WDPCP: variants seen among roughly 807,000 people sequenced by gnomAD.
The protein encoded by WDPCP is WD repeat-containing and planar cell polarity effector protein fritz homolog.
Under a neutral mutation model 93.1 loss-of-function variants are expected in WDPCP, and 71 were observed. The ratio of observed to expected loss-of-function variants is 0.76; its 90% CI spans 0.63 to 0.93. WDPCP has a LOEUF of 0.93. Ranked by LOEUF, WDPCP falls within the 40% of genes least tolerant of loss-of-function variation. The pLI is 0.00. For missense variants in WDPCP, 844 were observed against 887.4 expected, an observed-to-expected ratio of 0.95 and a Z score of 0.62; for synonymous variants, 315 against 315.0, an observed-to-expected ratio of 1.00 and a Z score of 0.00.
chr2:63,305,487 CAA>C (rs1315418673), intron 13 of WDPCP, among the ~76,000 whole-genome samples: 1 of 152,160 alleles, frequency 6.6e-6, no homozygotes, highest in African/African-American at 2.4e-5. Context: ...GGAAAACTAA[CAA>C]ACAGAAAGAA....
chr2:63,337,108 G>A (rs909438094), intron 12 of WDPCP, among the ~76,000 whole-genome samples: 9 of 152,030 alleles, frequency 5.9e-5, no homozygotes, highest in African/African-American at 1.9e-4. Context: ...TGGCCAGGAT[G>A]GGCTCAATCT....
intron 7 of WDPCP, 93 bp downstream of exon 7, chr2:63,439,663 TC>T: frequency 9.3e-7 from 1 of 1,073,248 alleles, no homozygotes; most frequent in Non-Finnish European, 1.4e-6. Flanking sequence ...TGTTTGCAAG[TC>T]CCCAGTGGTA....
intron 2 of WDPCP, among the ~76,000 whole-genome samples, chr2:63,782,269 C>G (rs1670406319): frequency 6.6e-6 from 1 of 152,126 alleles, no homozygotes. Flanking sequence ...GAATTCATGA[C>G]TAAGACTTCA....
intron 13 of WDPCP, among the ~76,000 whole-genome samples, chr2:63,290,527 T>C (rs1384604218): frequency 1.3e-5 from 2 of 152,152 alleles, no homozygotes; most frequent in Non-Finnish European, 2.9e-5. Flanking sequence ...CATTCTTTCA[T>C]GTAGAGACGA....
chr2:63,427,237 C>T (rs140712079), intron 9 of WDPCP, among the ~76,000 whole-genome samples: 1 of 152,198 alleles, frequency 6.6e-6, no homozygotes, highest in East Asian at 1.9e-4. Context: ...CCAATTGGAC[C>T]TGATAGACAT....
chr2:63,437,859 CACCTGA>C, intron 7 of WDPCP: 1 of 1,598,122 alleles, frequency 6.3e-7, no homozygotes, highest in Non-Finnish European at 8.5e-7. Flanking sequence ...AACTATTTCG[CACCTGA>C]ATGTAGAGAC....
intron 12 of WDPCP, among the ~76,000 whole-genome samples, chr2:63,352,305 A>T (rs540458013): frequency 1.3e-5 from 2 of 152,116 alleles, no homozygotes; most frequent in African/African-American, 4.8e-5. Context: ...TTGTTTTTTT[A>T]AAAGTTGAAA....
intron 1 of WDPCP, among the ~76,000 whole-genome samples, chr2:63,579,413 C>T (rs550678757): frequency 6.6e-6 from 1 of 152,220 alleles, no homozygotes; most frequent in Admixed American, 6.5e-5. Flanking sequence ...AGTTTGAGAC[C>T]AGCCTGGCCA....
intron 1 of WDPCP, among the ~76,000 whole-genome samples, chr2:63,526,150 G>A (rs1056207979): frequency 6.6e-6 from 1 of 152,076 alleles, no homozygotes; most frequent in Non-Finnish European, 1.5e-5. Context: ...GAGAAAAAAA[G>A]CCATACCAGC....
chr2:63,837,306 C>T, the WDPCP span, among the ~76,000 whole-genome samples: 55 of 152,282 alleles, frequency 3.6e-4, no homozygotes, highest in African/African-American at 1.2e-3. Context: ...AAGTGAAATG[C>T]CCTATTGTTA....
At chr2:63,165,830 T>C (rs1391565155) in intron 15 of WDPCP, among the ~76,000 whole-genome samples, 2 of 151,968 alleles carry the variant, frequency 1.3e-5, no homozygotes, top group Non-Finnish European at 2.9e-5. Context: ...CATTTCTTAA[T>C]TTTGTATGTT....
intron 13 of WDPCP, among the ~76,000 whole-genome samples, chr2:63,308,222 G>A (rs1357829747): frequency 6.6e-6 from 1 of 152,162 alleles, no homozygotes; most frequent in Non-Finnish European, 1.5e-5. Flanking sequence ...TTAGAATGGT[G>A]ATCATTAAAA....
chr2:63,226,533 G>A (rs1342257678), intron 14 of WDPCP, among the ~76,000 whole-genome samples: 9 of 151,654 alleles, frequency 5.9e-5, no homozygotes, highest in Non-Finnish European at 1.3e-4. Context: ...ACAGAAGAAA[G>A]GTTATAAAAA....
chr2:63,343,965 G>GAGGAAAGGA (rs1449639254), intron 12 of WDPCP, among the ~76,000 whole-genome samples: 1 of 152,088 alleles, frequency 6.6e-6, no homozygotes, highest in East Asian at 1.9e-4. Flanking sequence ...TTAGCTTTCT[G>GAGGAAAGGA]AGTTTAAAGG....
At position 63,564,005 on chromosome 2, in the gene WDPCP, G is replaced by T. The variant is rs191937609; in HGVS notation, c.75+24192C>A. Reference sequence around the variant, plus strand: ...ACACTTTAAAAGGGTGAGTTTTAGGGTATATGAATTATATCACAATAAAAA... The same window carrying T: ...ACACTTTAAAAGGGTGAGTTTTAGGTTATATGAATTATATCACAATAAAAA... On this transcript the variant is annotated intron_variant, in intron 1 of 17. Coordinates refer to ENST00000272321, the MANE Select transcript of WDPCP (RefSeq NM_015910.7). 5.3e-5 allele frequency among the ~76,000 whole-genome samples: 8 copies of T among 152,268 alleles called. No homozygotes were observed. In the East Asian group the frequency reaches 1.4e-3, roughly 26 times the overall value.
chr2:63,662,274 G>C (rs1020645863), intron 2 of WDPCP, among the ~76,000 whole-genome samples: 1 of 152,114 alleles, frequency 6.6e-6, no homozygotes, highest in Non-Finnish European at 1.5e-5. Context: ...CTGAACTTTG[G>C]TTTCCTCATC....
At chr2:63,305,466 G>A (rs907911949) in intron 13 of WDPCP, among the ~76,000 whole-genome samples, 1 of 152,152 alleles carries the variant, frequency 6.6e-6, no homozygotes, top group Non-Finnish European at 1.5e-5. Context: ...AGAAGGGCCT[G>A]ACTACTAGAA....
chr2:63,274,413 C>T (rs1682915858), intron 13 of WDPCP, among the ~76,000 whole-genome samples: 1 of 151,732 alleles, frequency 6.6e-6, no homozygotes, highest in Admixed American at 6.6e-5. Context: ...TAACAATGCA[C>T]CTGAAGGAAC....
At chr2:63,224,089 G>A (rs1490126626) in intron 14 of WDPCP, among the ~76,000 whole-genome samples, 3 of 151,928 alleles carry the variant, frequency 2.0e-5, no homozygotes, top group African/African-American at 7.2e-5. Context: ...GGCCTAAAGA[G>A]ACACCTTACC....
Sources: allele counts gnomAD v4.1 joint callset (sites outside exome capture counted in the v4.1 genomes callset), GRCh38; gene constraint gnomAD v4.1.1; transcripts MANE v1.5; gene names NCBI Gene and HGNC (gene_info 2026-07-23, HGNC 2026-07-21).